GALNT18: variants seen among roughly 807,000 people sequenced by gnomAD.
GALNT18 encodes GalNAc-transferase 18.
Under a neutral mutation model 69.5 loss-of-function variants are expected in GALNT18, and 44 were observed. The observed-to-expected ratio is 0.63, with a 90% CI of 0.50 to 0.81. GALNT18 has a LOEUF of 0.81. GALNT18 is among the 40% of genes least tolerant of loss of function. GALNT18 has a pLI of 0.00. For synonymous variants in GALNT18, 364 were observed against 318.2 expected, an observed-to-expected ratio of 1.14 and a Z score of -1.53; for missense variants, 715 against 810.0, an observed-to-expected ratio of 0.88 and a Z score of 1.42.
intron 1 of GALNT18, among the ~76,000 whole-genome samples, chr11:11,499,460 TC>T (rs1472818997): frequency 7.0e-6 from 1 of 143,864 alleles, no homozygotes; most frequent in African/African-American, 2.5e-5. Flanking sequence ...GGCTCAAGAC[TC>T]CCAGACCTGG....
intron 6 of GALNT18, among the ~76,000 whole-genome samples, chr11:11,366,315 T>C (rs1277463172): frequency 1.3e-5 from 2 of 152,250 alleles, no homozygotes; most frequent in East Asian, 1.9e-4. Flanking sequence ...ACGACTATAA[T>C]ACATATAAAT....
At chr11:11,547,655 C>A (rs914653328) in intron 1 of GALNT18, among the ~76,000 whole-genome samples, 1 of 152,208 alleles carries the variant, frequency 6.6e-6, no homozygotes, top group African/African-American at 2.4e-5. Context: ...CTGCTCGAGA[C>A]CCTGCTACCA....
intron 1 of GALNT18, among the ~76,000 whole-genome samples, chr11:11,473,480 A>G (rs2133857110): frequency 6.6e-6 from 1 of 151,958 alleles, no homozygotes; most frequent in South Asian, 2.1e-4. Context: ...TTAATGCTGT[A>G]TATTTAGCAT....
In GALNT18 at chr11:11,377,404, G is replaced by A. The variant is rs1179068693; in HGVS notation, c.780-25C>T. 4.3e-6 allele frequency: 7 copies of A among 1,609,500 alleles called. No individual in the cohort carries two copies. The highest frequency in any genetic ancestry group is 3.3e-5 in the Admixed American group (2 of 59,992). ...CCTGGGCAGAGAGGAGACAGCCAGAGAGGGTAACCATTTCCAAGGTGGAAA... is the reference window on the plus strand; with the variant it reads ...CCTGGGCAGAGAGGAGACAGCCAGAAAGGGTAACCATTTCCAAGGTGGAAA... On this transcript the variant is annotated intron_variant, in intron 4 of 10. Coordinates refer to ENST00000227756, the MANE Select transcript of GALNT18 (RefSeq NM_198516.3). The surrounding 1 kb of genome is among the most constrained non-coding windows in gnomAD (Gnocchi z 4.6).
intron 1 of GALNT18, among the ~76,000 whole-genome samples, chr11:11,520,643 A>T (rs1387695464): frequency 3.3e-5 from 5 of 152,134 alleles, no homozygotes; most frequent in African/African-American, 1.2e-4. Flanking sequence ...CTGGGGACCC[A>T]CACCTCTGGG....
At chr11:11,367,632 C>T (rs1850801982) in intron 6 of GALNT18, among the ~76,000 whole-genome samples, 1 of 152,172 alleles carries the variant, frequency 6.6e-6, no homozygotes, top group Non-Finnish European at 1.5e-5. Context: ...TTCTTCCTCA[C>T]CACCCCCTAC....
chr11:11,284,731 G>A (rs1214462009), intron 10 of GALNT18, among the ~76,000 whole-genome samples: 1 of 152,142 alleles, frequency 6.6e-6, no homozygotes, highest in East Asian at 1.9e-4. Context: ...TAAGCATGGT[G>A]AGCTCAGGAG....
intron 6 of GALNT18, chr11:11,352,622 A>G (rs1850436911): frequency 6.2e-7 from 1 of 1,614,084 alleles, no homozygotes; most frequent in Non-Finnish European, 8.5e-7. Context: ...TTCTGTGCTC[A>G]TGATCAATCA....
chr11:11,344,079 G>C (rs932996583), intron 6 of GALNT18, among the ~76,000 whole-genome samples: 4 of 152,016 alleles, frequency 2.6e-5, no homozygotes, highest in African/African-American at 9.7e-5. Flanking sequence ...TCAGCAACTG[G>C]AGTGATTGAA....
At chr11:11,577,913 G>C (rs1217412375) in intron 1 of GALNT18, among the ~76,000 whole-genome samples, 1 of 152,160 alleles carries the variant, frequency 6.6e-6, no homozygotes, top group Non-Finnish European at 1.5e-5. Flanking sequence ...GATTGGCAGG[G>C]GCATTTGGCA....
At chr11:11,407,006 T>C (rs1854603462) in intron 3 of GALNT18, among the ~76,000 whole-genome samples, 1 of 152,164 alleles carries the variant, frequency 6.6e-6, no homozygotes, top group Non-Finnish European at 1.5e-5. Context: ...AGGCCTTCCT[T>C]AGGACAGCTT....
At position 11,320,947 on chromosome 11, in the gene GALNT18, G is replaced by A. The variant is rs1229660552; in HGVS notation, c.1512+6139C>T. 6.6e-6 allele frequency among the ~76,000 whole-genome samples: 1 copy of A among 152,170 alleles called. No individual in the cohort carries two copies. Among genetic ancestry groups the A allele is most frequent in the Non-Finnish European group, 1.5e-5 (1 of 68,032 alleles). The stretch of plus-strand genomic sequence containing the variant: ...ATCTGAGCATGGCCTGGCGTGAAAG[G>A]TCACCAGGACACCAAGGGCTCCCTG... On this transcript the variant is annotated intron_variant, in intron 9 of 10. Coordinates refer to ENST00000227756, the MANE Select transcript of GALNT18 (RefSeq NM_198516.3). The surrounding 1 kb of genome is among the most constrained non-coding windows in gnomAD (Gnocchi z 4.9).
intron 10 of GALNT18, among the ~76,000 whole-genome samples, chr11:11,281,502 C>T (rs569712525): frequency 1.2e-4 from 18 of 152,324 alleles, no homozygotes; most frequent in Admixed American, 7.2e-4. Flanking sequence ...TCCTTGGGGC[C>T]GGCCCAGGCC....
chr11:11,368,700 CTGAT>C (rs921426455), intron 6 of GALNT18, among the ~76,000 whole-genome samples: 25 of 152,040 alleles, frequency 1.6e-4, no homozygotes, highest in African/African-American at 4.8e-4. Context: ...CCTACTATGA[CTGAT>C]TATTTTTATA....
chr11:11,298,813 G>A (rs1411881666), intron 9 of GALNT18, among the ~76,000 whole-genome samples: 1 of 152,206 alleles, frequency 6.6e-6, no homozygotes, highest in Non-Finnish European at 1.5e-5. Flanking sequence ...ATTTTAAGAA[G>A]TTTGAAAACC....
At chr11:11,451,746 T>C (rs1855805107) in intron 1 of GALNT18, among the ~76,000 whole-genome samples, 1 of 152,204 alleles carries the variant, frequency 6.6e-6, no homozygotes, top group Admixed American at 6.5e-5. Context: ...CAATCGATCA[T>C]TTCAAAATAC....
At chr11:11,466,897 C>T (rs768829458) in intron 1 of GALNT18, among the ~76,000 whole-genome samples, 4 of 152,126 alleles carry the variant, frequency 2.6e-5, no homozygotes, top group Admixed American at 6.5e-5. Flanking sequence ...ATAGGACACA[C>T]GCAGATCAAT....
intron 1 of GALNT18, among the ~76,000 whole-genome samples, chr11:11,451,933 A>G (rs10734185): frequency 0.97 from 147,310 of 152,298 alleles, 71,420 homozygotes; most frequent in East Asian, 1. Flanking sequence ...AAGGGCCACT[A>G]CTTGTCTTTG....
intron 3 of GALNT18, among the ~76,000 whole-genome samples, chr11:11,403,719 G>A (rs1854519546): frequency 6.6e-6 from 1 of 152,194 alleles, no homozygotes; most frequent in Non-Finnish European, 1.5e-5. Context: ...TTGCTTGGTA[G>A]ACAGTAGCCT....
Sources: allele counts gnomAD v4.1 joint callset (sites outside exome capture counted in the v4.1 genomes callset), GRCh38; gene constraint gnomAD v4.1.1; non-coding constraint Gnocchi (gnomAD v3.1); transcripts MANE v1.5; gene names NCBI Gene and HGNC (gene_info 2026-07-23, HGNC 2026-07-21).